The following NAT2 variants were observed in gnomAD, a reference collection of about 807,000 sequenced individuals.
NAT2 encodes arylamine N-acetyltransferase 2.
For synonymous variants in NAT2, 137 were observed against 125.9 expected (o/e 1.09, Z -0.59); for missense variants, 428 against 339.1 (o/e 1.26, Z -2.06).
chr8:18,394,277 C>T (rs1800644692), intron 1 of NAT2, among the ~76,000 whole-genome samples: 2 of 152,244 alleles, frequency 1.3e-5, no homozygotes, highest in Admixed American at 1.3e-4. Flanking sequence ...ATCAGTAAGG[C>T]AGGAACCGGC....
At chr8:18,388,681 A>AATCT (rs1414713629), upstream of NAT2, among the ~76,000 whole-genome samples, 1 of 152,192 alleles carries the variant, frequency 6.6e-6, no homozygotes, top group East Asian at 1.9e-4. Context: ...CACATGTGAG[A>AATCT]ATCTGTAAAC....
intron 1 of NAT2, among the ~76,000 whole-genome samples, chr8:18,392,076 G>A (rs11782666): frequency 0.027 from 4,169 of 152,286 alleles, 66 homozygotes; most frequent in Middle Eastern, 0.065. Context: ...ACCTTATGTG[G>A]GGGCCATAGG....
intron 1 of NAT2, among the ~76,000 whole-genome samples, chr8:18,394,260 G>A (rs1254116290): frequency 6.6e-6 from 1 of 152,156 alleles, no homozygotes; most frequent in Non-Finnish European, 1.5e-5. Flanking sequence ...TTTTGTGGTG[G>A]AATGTCATCA....
At chr8:18,397,592 T>A (rs1800715430) in intron 1 of NAT2, among the ~76,000 whole-genome samples, 1 of 152,180 alleles carries the variant, frequency 6.6e-6, no homozygotes, top group Admixed American at 6.5e-5. Flanking sequence ...TTGAATTATT[T>A]ATAGTCGTCT....
chr8:18,395,595 A>G (rs1318166890), intron 1 of NAT2, among the ~76,000 whole-genome samples: 2 of 152,170 alleles, frequency 1.3e-5, no homozygotes, highest in African/African-American at 4.8e-5. Flanking sequence ...AATATCAAAA[A>G]AGATAATGAG....
chr8:18,399,286 T>A (rs1328365159), intron 1 of NAT2, among the ~76,000 whole-genome samples: 4 of 152,206 alleles, frequency 2.6e-5, no homozygotes, highest in African/African-American at 7.2e-5. Context: ...CTTGTTTGAA[T>A]TCAGTGCTCT....
intron 1 of NAT2, among the ~76,000 whole-genome samples, chr8:18,393,151 T>C (rs1053514162): frequency 6.6e-6 from 1 of 152,008 alleles, no homozygotes; most frequent in Non-Finnish European, 1.5e-5. Context: ...TTTGATTTTC[T>C]TCAGTCCCCA....
chr8:18,394,981 G>C (rs181355208), intron 1 of NAT2, among the ~76,000 whole-genome samples: 232 of 152,158 alleles, frequency 1.5e-3, no homozygotes, highest in African/African-American at 5.2e-3. Flanking sequence ...AATATTAAAA[G>C]CTGTAAATGT....
At chr8:18,389,247 C>T (rs1460923535), upstream of NAT2, among the ~76,000 whole-genome samples, 1 of 152,206 alleles carries the variant, frequency 6.6e-6, no homozygotes, top group African/African-American at 2.4e-5. Flanking sequence ...GACAATTCCT[C>T]TCCCACACTC....
At chr8:18,393,761 C>T (rs1386660272) in intron 1 of NAT2, among the ~76,000 whole-genome samples, 4 of 152,072 alleles carry the variant, frequency 2.6e-5, no homozygotes, top group Non-Finnish European at 2.9e-5. Context: ...TGGGAGAAAA[C>T]GTTGAAAATG....
chr8:18,398,268 C>T (rs918562113), intron 1 of NAT2, among the ~76,000 whole-genome samples: 2 of 152,192 alleles, frequency 1.3e-5, no homozygotes, highest in African/African-American at 4.8e-5. Flanking sequence ...TCCTCTTGAC[C>T]TCTCTGAGCA....
At chr8:18,393,630 A>C (rs7820330) in intron 1 of NAT2, among the ~76,000 whole-genome samples, 15 of 152,228 alleles carry the variant, frequency 9.9e-5, no homozygotes, top group South Asian at 8.3e-4. Context: ...AGAAGGCCTC[A>C]CATCAGCAGA....
At chr8:18,392,552 G>T (rs1465470012) in intron 1 of NAT2, among the ~76,000 whole-genome samples, 1 of 152,092 alleles carries the variant, frequency 6.6e-6, no homozygotes, top group Non-Finnish European at 1.5e-5. Flanking sequence ...TGATTAGATG[G>T]TGCCCACCCG....
At chr8:18,399,962 TATG>T (rs1203385629) in intron 1 of NAT2, 33 bp from the exon 2 acceptor site, 1 of 1,523,500 alleles carries the variant, frequency 6.6e-7, no homozygotes, top group Non-Finnish European at 8.8e-7. Context: ...AATGCTAAAG[TATG>T]ATATGTTTTT....
intron 1 of NAT2, among the ~76,000 whole-genome samples, chr8:18,395,898 C>T (rs1476186116): frequency 1.3e-5 from 2 of 150,774 alleles, no homozygotes; most frequent in African/African-American, 2.4e-5. Context: ...AACAATAAGA[C>T]CTAATAAAGA....
In NAT2 at chr8:18,400,936, T is replaced by A. The variant is rs1353443941; in HGVS notation, c.*60T>A. Reference sequence around the variant, plus strand: ...ACCCAACTCACTAATTATCAACTTATGTGCTATCAGATATCCTCTCTACCC... The same window carrying A: ...ACCCAACTCACTAATTATCAACTTAAGTGCTATCAGATATCCTCTCTACCC... On this transcript the variant is annotated 3_prime_UTR_variant, in exon 2 of 2. Coordinates refer to ENST00000286479, the MANE Select transcript of NAT2 (RefSeq NM_000015.3). The A allele has an allele frequency of 1.4e-5, 18 of 1,322,132 alleles. No individual in the cohort carries two copies. The highest frequency in any genetic ancestry group is 1.9e-5 in the Non-Finnish European group (18 of 967,672). 81.9% of individuals were successfully genotyped at this position (1,322,132 alleles called of 1,614,324 possible). A position where few individuals can be genotyped will look rare whatever the true frequency, so the allele number is the denominator to read the frequency against.
At chr8:18,396,898 A>G (rs1210661035) in intron 1 of NAT2, among the ~76,000 whole-genome samples, 1 of 152,210 alleles carries the variant, frequency 6.6e-6, no homozygotes, top group East Asian at 1.9e-4. Flanking sequence ...AAAGCAATCT[A>G]GGTAAACTGC....
upstream of NAT2, among the ~76,000 whole-genome samples, chr8:18,390,804 T>G (rs572749067): frequency 1.3e-5 from 2 of 152,290 alleles, no homozygotes; most frequent in African/African-American, 4.8e-5. Context: ...CATTGTGTGT[T>G]ACCTTTGGGT....
chr8:18,392,250 A>G (rs1191704171), intron 1 of NAT2, among the ~76,000 whole-genome samples: 1 of 152,192 alleles, frequency 6.6e-6, no homozygotes, highest in Non-Finnish European at 1.5e-5. Context: ...AGGGGAGTTT[A>G]TTAAGGAGTA....
Sources: gnomAD v4.1 joint callset for allele counts (sites outside exome capture counted in the v4.1 genomes callset) on GRCh38, gnomAD v4.1.1 for gene constraint, MANE v1.5 for transcripts, NCBI Gene and HGNC (gene_info 2026-07-23, HGNC 2026-07-21) for gene names.